FBXO28: variants seen among roughly 807,000 people sequenced by gnomAD.
FBXO28 encodes the protein F-box protein 28, also known as F-box only protein 28.
A neutral mutation model predicts 38.1 loss-of-function variants in FBXO28; 8 were observed. The ratio of observed to expected loss-of-function variants is 0.21; its 90% CI spans 0.12 to 0.38. The LOEUF is 0.38. FBXO28 is among the 10% of genes least tolerant of loss of function. The pLI is 1.00. For missense variants in FBXO28, 345 were observed against 460.6 expected (o/e 0.75, Z 2.30); for synonymous variants, 168 against 173.8 (o/e 0.97, Z 0.26).
At chr1:224,154,091 C>G (rs1414786971) in intron 4 of FBXO28, among the ~76,000 whole-genome samples, 1 of 152,102 alleles carries the variant, frequency 6.6e-6, no homozygotes, top group Non-Finnish European at 1.5e-5. Flanking sequence ...CCTGATAAAC[C>G]CATCATAAGT....
chr1:224,119,135 C>CTTTTTTTTTTTTTTTTTTTT, intron 1 of FBXO28, among the ~76,000 whole-genome samples: 2 of 109,910 alleles, frequency 1.8e-5, no homozygotes, highest in Non-Finnish European at 3.4e-5. Flanking sequence ...TCTTTTTTTT[C>CTTTTTTTTTTTTTTTTTTTT]TTTTTTTTTT....
intron 3 of FBXO28, among the ~76,000 whole-genome samples, chr1:224,139,632 T>A (rs2102623983): frequency 6.6e-6 from 1 of 152,170 alleles, no homozygotes; most frequent in East Asian, 1.9e-4. Flanking sequence ...TCCCAGCCAC[T>A]TGGGAGGCTG....
At position 224,136,382 on chromosome 1, in the gene FBXO28, T is replaced by C. The variant is rs539736203; in HGVS notation, c.516+2170T>C. Reference sequence around the variant, plus strand: ...TAATCTTCATTTAATATATGGTGTTTATGATAAGTTGTTCTTGTTTTCCCT... The same window carrying C: ...TAATCTTCATTTAATATATGGTGTTCATGATAAGTTGTTCTTGTTTTCCCT... On this transcript the variant is annotated intron_variant, in intron 3 of 4. Transcript: ENST00000366862. 3.3e-5 allele frequency among the ~76,000 whole-genome samples: 5 copies of C among 152,096 alleles called. No homozygotes were observed. In the South Asian group the frequency reaches 8.3e-4, roughly 25 times the overall value.
At chr1:224,125,642 C>CT (rs1270361956) in intron 1 of FBXO28, among the ~76,000 whole-genome samples, 13,784 of 140,608 alleles carry the variant, frequency 0.098, 727 homozygotes, top group East Asian at 0.18. Context: ...TACTCATTCT[C>CT]TTTTTTTTTT....
chr1:224,137,532 AAG>A (rs1491255252), intron 3 of FBXO28, among the ~76,000 whole-genome samples: 3 of 151,878 alleles, frequency 2.0e-5, no homozygotes, highest in Non-Finnish European at 4.4e-5. Context: ...AGCAAAAAAA[AAG>A]AAAAAAGAAA....
chr1:224,126,006 C>A (rs1656894992), intron 1 of FBXO28, among the ~76,000 whole-genome samples: 1 of 152,194 alleles, frequency 6.6e-6, no homozygotes, highest in African/African-American at 2.4e-5. Flanking sequence ...CAGCTTGGCC[C>A]ACACATCTCA....
In FBXO28 at chr1:224,158,481, C is replaced by G. The variant is rs1013666275; in HGVS notation, c.*735C>G. 1 of 153,064 alleles carries G rather than the reference C, an allele frequency of 6.5e-6. No homozygotes were observed. The highest frequency in any genetic ancestry group is 6.5e-5 in the Admixed American group (1 of 15,274). The allele number at this position is 153,064 out of a possible 1,614,324, so 9.5% of individuals were successfully genotyped here. ...CTGGTATTGATCTTGAACCTCTATA[C>G]TTCTCCACTTTTTAGAGCGGCGTCT... On this transcript the variant is annotated 3_prime_UTR_variant, in exon 5 of 5. Transcript: ENST00000366862.
intron 1 of FBXO28, among the ~76,000 whole-genome samples, chr1:224,115,798 A>G (rs1012801503): frequency 5.3e-5 from 8 of 152,212 alleles, no homozygotes; most frequent in African/African-American, 1.9e-4. Flanking sequence ...ATTTGATTGA[A>G]TTGAACCATT....
intron 1 of FBXO28, among the ~76,000 whole-genome samples, chr1:224,127,170 GTGTGTGTGTGTGTA>G (rs937525025): frequency 1.8e-3 from 80 of 45,712 alleles, no homozygotes; most frequent in East Asian, 3.8e-3. Flanking sequence ...GTATTTGTGT[GTGTGTGTGTGTGTA>G]TGTGTGTGTG....
At chr1:224,114,712 C>A (rs552047329) in intron 1 of FBXO28, among the ~76,000 whole-genome samples, 1 of 150,130 alleles carries the variant, frequency 6.7e-6, no homozygotes, top group East Asian at 2.0e-4. Flanking sequence ...CCGCCTGGCC[C>A]GAGAGTAGAC....
chr1:224,127,076 GACTGGGGC>G (rs1656920562), intron 1 of FBXO28, among the ~76,000 whole-genome samples: 1 of 151,528 alleles, frequency 6.6e-6, no homozygotes, highest in Non-Finnish European at 1.5e-5. Context: ...GATTATTCAG[GACTGGGGC>G]ACTGGTTCTC....
chr1:224,124,467 G>A (rs1298371176), intron 1 of FBXO28, among the ~76,000 whole-genome samples: 34 of 152,094 alleles, frequency 2.2e-4, no homozygotes, highest in Admixed American at 2.2e-3. Context: ...ACTGTCTTGG[G>A]TAAATTGCCA....
intron 1 of FBXO28, among the ~76,000 whole-genome samples, chr1:224,127,355 A>G (rs1656931708): frequency 6.6e-6 from 1 of 152,118 alleles, no homozygotes; most frequent in Admixed American, 6.6e-5. Flanking sequence ...TTTCTGAGGT[A>G]AGAATACCTC....
chr1:224,118,036 AT>A (rs1656685754), intron 1 of FBXO28, among the ~76,000 whole-genome samples: 1 of 150,106 alleles, frequency 6.7e-6, no homozygotes, highest in African/African-American at 2.5e-5. Context: ...TTTATTTTTA[AT>A]TTTTGAGACA....
chr1:224,135,408 T>A (rs934303487), intron 3 of FBXO28, among the ~76,000 whole-genome samples: 8 of 151,838 alleles, frequency 5.3e-5, no homozygotes, highest in African/African-American at 1.9e-4. Flanking sequence ...GTAACAGAGT[T>A]GAATAGTTTG....
intron 1 of FBXO28, among the ~76,000 whole-genome samples, chr1:224,121,735 C>A (rs576057747): frequency 6.6e-6 from 1 of 152,088 alleles, no homozygotes; most frequent in South Asian, 2.1e-4. Flanking sequence ...GCATCCTCCA[C>A]CTCCCAGGTT....
intron 1 of FBXO28, among the ~76,000 whole-genome samples, chr1:224,125,569 T>C (rs1656884593): frequency 6.6e-6 from 1 of 151,986 alleles, no homozygotes; most frequent in South Asian, 2.1e-4. Flanking sequence ...TTTCAAAAGA[T>C]GGGTGGTCTT....
intron 4 of FBXO28, 64 bp from the exon 5 acceptor site, chr1:224,157,288 G>A: frequency 1.3e-6 from 2 of 1,507,652 alleles, no homozygotes; most frequent in Non-Finnish European, 1.8e-6. Context: ...TTTTAAATAA[G>A]TGTAAGTATT....
intron 3 of FBXO28, among the ~76,000 whole-genome samples, chr1:224,137,951 T>G (rs1362808370): frequency 6.6e-6 from 1 of 151,772 alleles, no homozygotes; most frequent in Non-Finnish European, 1.5e-5. Flanking sequence ...AAAAGCTGTG[T>G]AAAGAATTCA....
Sources: allele counts gnomAD v4.1 joint callset (sites outside exome capture counted in the v4.1 genomes callset), GRCh38; gene constraint gnomAD v4.1.1; transcripts MANE v1.5; gene names NCBI Gene and HGNC (gene_info 2026-07-23, HGNC 2026-07-21).